The following ADAMTS6 variants were observed in gnomAD, a reference collection of about 807,000 sequenced individuals.
ADAMTS6 encodes the protein ADAM metallopeptidase with thrombospondin type 1 motif 6.
A neutral mutation model predicts 144.3 loss-of-function variants in ADAMTS6; 23 were observed. The observed-to-expected ratio is 0.16, with a 90% CI of 0.11 to 0.23. The LOEUF (loss-of-function observed/expected upper bound fraction) is 0.23, where lower values mean the gene tolerates loss of function less well. ADAMTS6 is among the 10% of genes least tolerant of loss of function. The pLI, the probability that ADAMTS6 is intolerant of heterozygous loss-of-function variation, is 1.00. For missense variants in ADAMTS6, 999 were observed against 1,379.6 expected (o/e 0.72, Z 4.37); for synonymous variants, 444 against 457.5 (o/e 0.97, Z 0.38).
chr5:65,169,004 G>T (rs1489157356), intron 24 of ADAMTS6, among the ~76,000 whole-genome samples: 2 of 131,160 alleles, frequency 1.5e-5, no homozygotes, highest in Non-Finnish European at 3.2e-5. Flanking sequence ...AACACCAAAA[G>T]CAATGGCAAC....
chr5:65,220,759 A>G (rs1018999565), intron 18 of ADAMTS6, among the ~76,000 whole-genome samples: 2 of 152,192 alleles, frequency 1.3e-5, no homozygotes, highest in African/African-American at 4.8e-5. Flanking sequence ...AAAAAAAAGA[A>G]GAGTGGGAAT....
At chr5:65,420,188 T>C (rs1029775639) in intron 7 of ADAMTS6, among the ~76,000 whole-genome samples, 1 of 152,152 alleles carries the variant, frequency 6.6e-6, no homozygotes, top group Non-Finnish European at 1.5e-5. Context: ...TTACTCACTA[T>C]CATGAGAACA....
intron 3 of ADAMTS6, among the ~76,000 whole-genome samples, chr5:65,461,165 A>T (rs1759617016): frequency 6.6e-6 from 1 of 152,156 alleles, no homozygotes; most frequent in Admixed American, 6.5e-5. Context: ...TCTCCTCTTT[A>T]AAAACCTTCT....
chr5:65,370,679 A>T (rs1413606597), intron 7 of ADAMTS6, among the ~76,000 whole-genome samples: 1 of 152,152 alleles, frequency 6.6e-6, no homozygotes, highest in Non-Finnish European at 1.5e-5. Context: ...CAAACGGCAA[A>T]GGGCAGCGAG....
chr5:65,279,063 C>T (rs1304090567), intron 11 of ADAMTS6, among the ~76,000 whole-genome samples: 2 of 151,732 alleles, frequency 1.3e-5, no homozygotes, highest in Non-Finnish European at 1.5e-5. Context: ...CCCACCTCAT[C>T]CCCCAAAGTA....
intron 24 of ADAMTS6, among the ~76,000 whole-genome samples, chr5:65,168,034 G>A (rs1410350619): frequency 6.7e-6 from 1 of 149,400 alleles, no homozygotes; most frequent in East Asian, 2.0e-4. Context: ...TTCTGGCCAG[G>A]GCAATCAGGC....
chr5:65,183,375 A>G (rs2112148239), intron 22 of ADAMTS6, among the ~76,000 whole-genome samples: 1 of 152,260 alleles, frequency 6.6e-6, no homozygotes, highest in Non-Finnish European at 1.5e-5. Context: ...CGTTACATTC[A>G]CGGAACTCTT....
intron 7 of ADAMTS6, among the ~76,000 whole-genome samples, chr5:65,406,783 T>C (rs920906874): frequency 6.6e-5 from 10 of 151,836 alleles, no homozygotes; most frequent in African/African-American, 2.4e-4. Flanking sequence ...GGGTTTGTCA[T>C]AAATAGCTCT....
intron 14 of ADAMTS6, among the ~76,000 whole-genome samples, chr5:65,257,470 G>T (rs1004249271): frequency 6.6e-6 from 1 of 151,824 alleles, no homozygotes. Context: ...TTTATTCCCT[G>T]TTAGCCCTCT....
At chr5:65,404,129 T>C (rs1052198608) in intron 7 of ADAMTS6, among the ~76,000 whole-genome samples, 2 of 152,110 alleles carry the variant, frequency 1.3e-5, no homozygotes, top group Non-Finnish European at 2.9e-5. Context: ...CATTAATGAA[T>C]TAAGAAAATA....
chr5:65,153,873 C>T (rs1579899652), intron 24 of ADAMTS6, among the ~76,000 whole-genome samples: 1 of 152,204 alleles, frequency 6.6e-6, no homozygotes, highest in African/African-American at 2.4e-5. Flanking sequence ...TCATAAATTG[C>T]TTCTCCCTTC....
chr5:65,306,099 G>A (rs1743913861), intron 9 of ADAMTS6, among the ~76,000 whole-genome samples: 1 of 152,150 alleles, frequency 6.6e-6, no homozygotes, highest in African/African-American at 2.4e-5. Flanking sequence ...GGCCCATATT[G>A]TGTCACCCTT....
intron 7 of ADAMTS6, among the ~76,000 whole-genome samples, chr5:65,334,601 A>AT (rs1435839847): frequency 1.3e-5 from 2 of 152,204 alleles, no homozygotes; most frequent in African/African-American, 4.8e-5. Flanking sequence ...AATAAAATTT[A>AT]TATTACATAT....
chr5:65,159,851 C>A (rs1175298011), intron 24 of ADAMTS6, among the ~76,000 whole-genome samples: 1 of 152,136 alleles, frequency 6.6e-6, no homozygotes, highest in African/African-American at 2.4e-5. Flanking sequence ...AATGGATGGG[C>A]AGATATATGC....
chr5:65,460,755 A>C (rs1301925947), intron 3 of ADAMTS6, among the ~76,000 whole-genome samples: 1 of 152,176 alleles, frequency 6.6e-6, no homozygotes, highest in Non-Finnish European at 1.5e-5. Context: ...TTTCAGCCCA[A>C]CCTCTGAATA....
intron 7 of ADAMTS6, among the ~76,000 whole-genome samples, chr5:65,398,107 T>C (rs1357586729): frequency 6.6e-6 from 1 of 152,182 alleles, no homozygotes; most frequent in African/African-American, 2.4e-5. Context: ...CTGCTGTTAT[T>C]GGATAAAGTA....
chr5:65,437,097 C>CT (rs1757484141), intron 7 of ADAMTS6, among the ~76,000 whole-genome samples: 1 of 126,594 alleles, frequency 7.9e-6, no homozygotes, highest in Non-Finnish European at 1.7e-5. Context: ...GGGAAACTCC[C>CT]ATTTTTTTTT....
intron 7 of ADAMTS6, among the ~76,000 whole-genome samples, chr5:65,433,861 A>G (rs1482657915): frequency 2.0e-5 from 3 of 152,210 alleles, no homozygotes; most frequent in Non-Finnish European, 4.4e-5. Context: ...AGTTTCTCAA[A>G]GGTTAACACA....
chr5:65,304,623 GA>G (rs1346035689), intron 9 of ADAMTS6, among the ~76,000 whole-genome samples: 1 of 152,020 alleles, frequency 6.6e-6, no homozygotes, highest in African/African-American at 2.4e-5. Context: ...ATAAAGACGG[GA>G]TCTCTCTATG....
Sources: gnomAD v4.1 joint callset for allele counts (sites outside exome capture counted in the v4.1 genomes callset) on GRCh38, gnomAD v4.1.1 for gene constraint, MANE v1.5 for transcripts, NCBI Gene and HGNC (gene_info 2026-07-23, HGNC 2026-07-21) for gene names.